SDK1: variants seen among roughly 807,000 people sequenced by gnomAD.
The protein encoded by SDK1 is protein sidekick-1.
A neutral mutation model predicts 245.5 loss-of-function variants in SDK1; 157 were observed. The ratio of observed to expected loss-of-function variants is 0.64; its 90% CI spans 0.56 to 0.73. The LOEUF is 0.73. Ranked by LOEUF, SDK1 falls within the 30% of genes least tolerant of loss-of-function variation. SDK1 has a pLI of 0.00. For missense variants in SDK1, 3,583 were observed against 3,002.3 expected (o/e 1.19, Z -4.52); for synonymous variants, 1,647 against 1,278.5 (o/e 1.29, Z -6.15).
intron 5 of SDK1, among the ~76,000 whole-genome samples, chr7:3,852,261 G>A (rs559220348): frequency 7.8e-4 from 118 of 151,482 alleles, no homozygotes; most frequent in Non-Finnish European, 1.5e-3. Context: ...TTCCGTAGAA[G>A]TATAGAAAAC....
At chr7:3,479,550 A>G (rs1379656543) in intron 1 of SDK1, among the ~76,000 whole-genome samples, 1 of 152,056 alleles carries the variant, frequency 6.6e-6, no homozygotes, top group African/African-American at 2.4e-5. Flanking sequence ...CTGATTAGCA[A>G]TTAGTGAGAT....
intron 1 of SDK1, among the ~76,000 whole-genome samples, chr7:3,593,017 G>A (rs1780933272): frequency 1.3e-5 from 2 of 152,268 alleles, no homozygotes; most frequent in Admixed American, 6.5e-5. Context: ...GCTGACACCT[G>A]GACAAAACGA....
At chr7:3,331,225 C>T (rs1780061022) in intron 1 of SDK1, among the ~76,000 whole-genome samples, 1 of 152,118 alleles carries the variant, frequency 6.6e-6, no homozygotes, top group Non-Finnish European at 1.5e-5. Context: ...GATTGCACCA[C>T]TGCACTCCAG....
chr7:4,194,340 ATGTATAGATATATGTATGCACGTATGTG>A (rs1562415812), intron 35 of SDK1, among the ~76,000 whole-genome samples: 1,714 of 126,568 alleles, frequency 0.014, 85 homozygotes, highest in African/African-American at 0.055. Context: ...ATGTGTATAC[ATGTATAGATATATGTATGCACGTATGTG>A]TATACATGTA....
At chr7:3,764,419 C>T (rs1780192035) in intron 4 of SDK1, among the ~76,000 whole-genome samples, 4 of 152,346 alleles carry the variant, frequency 2.6e-5, no homozygotes, top group Non-Finnish European at 5.9e-5. Context: ...GGCACAGTGA[C>T]TCATGCCTGT....
At chr7:3,329,618 T>A (rs1583691198) in intron 1 of SDK1, among the ~76,000 whole-genome samples, 1 of 152,326 alleles carries the variant, frequency 6.6e-6, no homozygotes, top group East Asian at 1.9e-4. Flanking sequence ...ATAAGTAGAA[T>A]CATCCGGGAT....
intron 17 of SDK1, among the ~76,000 whole-genome samples, chr7:4,023,163 G>A (rs190308974): frequency 6.6e-6 from 1 of 152,072 alleles, no homozygotes; most frequent in Admixed American, 6.5e-5. Flanking sequence ...TCTCGGCATG[G>A]GCTAGCACCT....
At chr7:3,416,301 C>CT (rs954042998) in intron 1 of SDK1, among the ~76,000 whole-genome samples, 2 of 152,042 alleles carry the variant, frequency 1.3e-5, no homozygotes, top group African/African-American at 4.8e-5. Context: ...GTTGGTCTCA[C>CT]TTTTTTGTGT....
intron 12 of SDK1, 21 bp from the exon 13 acceptor site, chr7:3,974,348 G>A (rs1045580250): frequency 6.2e-7 from 1 of 1,603,090 alleles, no homozygotes; most frequent in African/African-American, 1.3e-5. Flanking sequence ...TGTAACTCAA[G>A]ACCCTTTGCT....
At chr7:3,758,628 T>G (rs1780005806) in intron 4 of SDK1, among the ~76,000 whole-genome samples, 1 of 152,192 alleles carries the variant, frequency 6.6e-6, no homozygotes, top group Non-Finnish European at 1.5e-5. Context: ...TCTTTTTCTT[T>G]TCTTGGCACT....
At chr7:3,826,994 A>G (rs1001341039) in intron 5 of SDK1, among the ~76,000 whole-genome samples, 4 of 152,094 alleles carry the variant, frequency 2.6e-5, no homozygotes, top group Non-Finnish European at 4.4e-5. Flanking sequence ...GATGGTTTCT[A>G]TTGCCCACTC....
chr7:3,471,963 A>T (rs17133398), intron 1 of SDK1, among the ~76,000 whole-genome samples: 2 of 152,070 alleles, frequency 1.3e-5, no homozygotes, highest in Non-Finnish European at 2.9e-5. Context: ...TCCTAACCAT[A>T]GTCACTTTTA....
intron 17 of SDK1, among the ~76,000 whole-genome samples, chr7:4,024,470 G>C (rs1787175022): frequency 6.6e-6 from 1 of 152,198 alleles, no homozygotes; most frequent in Non-Finnish European, 1.5e-5. Context: ...AGTAAAAACT[G>C]AACAAAATAG....
chr7:3,463,419 C>G (rs1257399481), intron 1 of SDK1, among the ~76,000 whole-genome samples: 3 of 152,116 alleles, frequency 2.0e-5, no homozygotes, highest in Admixed American at 6.6e-5. Context: ...TTAACACGTT[C>G]TTTTTGTGTG....
chr7:4,115,549 T>C (rs557224514), intron 25 of SDK1, among the ~76,000 whole-genome samples: 2 of 152,238 alleles, frequency 1.3e-5, no homozygotes, highest in Non-Finnish European at 2.9e-5. Context: ...CCATTGTTTT[T>C]GCTGTCGTAG....
At chr7:4,212,665 T>C (rs969372019) in intron 38 of SDK1, among the ~76,000 whole-genome samples, 1 of 152,216 alleles carries the variant, frequency 6.6e-6, no homozygotes, top group East Asian at 1.9e-4. Context: ...GCATGCCATT[T>C]GCTCTTGCTT....
chr7:3,396,324 T>A (rs1302647912), intron 1 of SDK1, among the ~76,000 whole-genome samples: 2 of 152,030 alleles, frequency 1.3e-5, no homozygotes, highest in East Asian at 3.9e-4. Context: ...ATGACTTATC[T>A]TGGGTTCTAT....
At chr7:4,194,813 A>G (rs746566326) in intron 35 of SDK1, among the ~76,000 whole-genome samples, 3 of 152,204 alleles carry the variant, frequency 2.0e-5, no homozygotes, top group Non-Finnish European at 2.9e-5. Flanking sequence ...CCTCACAGAC[A>G]CGCCCAGGAT....
chr7:3,324,042 A>G (rs369722052), intron 1 of SDK1, among the ~76,000 whole-genome samples: 1 of 152,114 alleles, frequency 6.6e-6, no homozygotes. Context: ...AGAAGTAAGC[A>G]TGAGAGAAAT....
Sources: allele counts gnomAD v4.1 joint callset (sites outside exome capture counted in the v4.1 genomes callset), GRCh38; gene constraint gnomAD v4.1.1; transcripts MANE v1.5; gene names NCBI Gene and HGNC (gene_info 2026-07-23, HGNC 2026-07-21).